Variants in DYM observed in about 807,000 individuals in gnomAD.
DYM encodes dyggve-Melchior-Clausen syndrome protein.
In DYM, 78 loss-of-function variants were observed where a neutral mutation model predicts 93.1. The ratio of observed to expected loss-of-function variants is 0.84; its 90% confidence interval spans 0.70 to 1.01. DYM has a LOEUF of 1.01. Among genes scored for constraint, DYM ranks in the 50% least tolerant of loss-of-function variants. The probability of loss-of-function intolerance (pLI) is 0.00; values close to 1 mark genes in which losing one functional copy is unlikely to be tolerated. For missense variants in DYM, 789 were observed against 845.0 expected (o/e 0.93, Z 0.82); for synonymous variants, 321 against 319.7 (o/e 1.00, Z -0.04).
intron 8 of DYM, among the ~76,000 whole-genome samples, chr18:49,295,889 G>T (rs939741472): frequency 6.6e-6 from 1 of 150,542 alleles, no homozygotes; most frequent in Admixed American, 6.6e-5. Context: ...TCTAATGGTA[G>T]TATCTTTTAA....
chr18:49,459,755 A>G (rs780708712), intron 1 of DYM, among the ~76,000 whole-genome samples: 18 of 152,028 alleles, frequency 1.2e-4, no homozygotes, highest in Non-Finnish European at 2.2e-4. Flanking sequence ...TACCACACCA[A>G]TACCCTCAAA....
chr18:49,326,900 G>C (rs494752), intron 8 of DYM, among the ~76,000 whole-genome samples: 88,863 of 151,724 alleles, frequency 0.59, 26,637 homozygotes, highest in Non-Finnish European at 0.66. Flanking sequence ...TAGCATAAGC[G>C]ATATCCTCTT....
At chr18:49,170,780 CAAAAAAAAAAAAAAAA>C (rs34297501) in intron 14 of DYM, among the ~76,000 whole-genome samples, 1 of 31,212 alleles carries the variant, frequency 3.2e-5, no homozygotes, top group Non-Finnish European at 5.6e-5. Flanking sequence ...GACTCCGTCT[CAAAAAAAAAAAAAAAA>C]AAAAAAAAAA....
intron 13 of DYM, among the ~76,000 whole-genome samples, chr18:49,212,953 G>A (rs965479372): frequency 1.3e-5 from 2 of 152,126 alleles, no homozygotes; most frequent in Non-Finnish European, 2.9e-5. Flanking sequence ...AAGATCATGG[G>A]AAGGAGGCAA....
In DYM at chr18:49,313,232, G is replaced by A. The variant is rs184982832; in HGVS notation, c.763+18632C>T. ...TGTAATCCCAGCACTTTGGGAGGCC[G>A]AGGCAGGCGGATCACGAGATCAGGA... On this transcript the variant is annotated intron_variant, in intron 8 of 17. Coordinates refer to ENST00000675505, the MANE Select transcript of DYM (RefSeq NM_001353214.3). 2.7e-3 allele frequency among the ~76,000 whole-genome samples: 404 copies of A among 152,000 alleles called. 2 individuals carry two copies. The highest frequency in any genetic ancestry group is 8.7e-3 in the African/African-American group (359 of 41,470).
chr18:49,425,819 A>G (rs1350494815), intron 2 of DYM, among the ~76,000 whole-genome samples: 1 of 152,252 alleles, frequency 6.6e-6, no homozygotes, highest in Non-Finnish European at 1.5e-5. Context: ...TGGCCATCAG[A>G]GAAATGCAAA....
intron 17 of DYM, among the ~76,000 whole-genome samples, chr18:49,091,735 T>C (rs915911656): frequency 1.3e-5 from 2 of 152,036 alleles, no homozygotes; most frequent in African/African-American, 4.8e-5. Context: ...TTAATATTTA[T>C]TTATTTATTT....
intron 15 of DYM, among the ~76,000 whole-genome samples, chr18:49,161,278 G>T (rs951925663): frequency 1.3e-5 from 2 of 152,072 alleles, no homozygotes; most frequent in African/African-American, 4.8e-5. Context: ...AATTCAAATT[G>T]TCCTATCATG....
rs141173516 is a variant in DYM, at chr18:49,127,866, G to A, written c.1729-8940C>T. On this transcript the variant is annotated intron_variant, in intron 15 of 17. Coordinates refer to ENST00000675505, the MANE Select transcript of DYM (RefSeq NM_001353214.3). ...AATCCTGTGACCTAAAAAGACAATG[G>A]GTAACCTTAATAAAGCAGTGGGAGG... Among the ~76,000 whole-genome samples, 143 of 152,242 alleles carry A rather than the reference G, an allele frequency of 9.4e-4. 1 individual carries two copies. The highest frequency in any genetic ancestry group is 3.3e-3 in the African/African-American group (136 of 41,548).
chr18:49,181,072 A>G lies in DYM; in HGVS notation c.1626-17285T>C, dbSNP rs2089882179. 3.3e-5 allele frequency among the ~76,000 whole-genome samples: 5 copies of G among 152,314 alleles called. No individual in the cohort carries two copies. The South Asian group carries it at 1.0e-3, about 32-fold the overall frequency. On this transcript the variant is annotated intron_variant, in intron 14 of 17. Transcript: ENST00000675505. ...TGAGTCCAGGCTGCAGGCCGTTAGT[A>G]TGCAGTTTCTGATTTGGAGAATCAC...
At chr18:49,279,777 T>C (rs1465833407) in intron 10 of DYM, among the ~76,000 whole-genome samples, 1 of 152,194 alleles carries the variant, frequency 6.6e-6, no homozygotes, top group Non-Finnish European at 1.5e-5. Context: ...AGGATTTTAC[T>C]CATATAAGCA....
chr18:49,104,685 T>C (rs1400503958), intron 16 of DYM, among the ~76,000 whole-genome samples: 8 of 152,360 alleles, frequency 5.3e-5, no homozygotes, highest in Non-Finnish European at 5.9e-5. Context: ...GTTTTTGTCA[T>C]TGGTTCTGTT....
At chr18:49,249,120 T>G (rs1300675369) in intron 13 of DYM, among the ~76,000 whole-genome samples, 2 of 152,166 alleles carry the variant, frequency 1.3e-5, no homozygotes, top group East Asian at 3.9e-4. Flanking sequence ...AGAAAGAGTA[T>G]TCTGCCATTC....
chr18:49,181,659 G>A (rs111329920), intron 14 of DYM, among the ~76,000 whole-genome samples: 2,719 of 152,008 alleles, frequency 0.018, 32 homozygotes, highest in Middle Eastern at 0.048. Context: ...TTTAGATTAG[G>A]GATACCTAAT....
intron 11 of DYM, among the ~76,000 whole-genome samples, chr18:49,269,491 T>C (rs1054765272): frequency 4.6e-5 from 7 of 152,182 alleles, no homozygotes; most frequent in African/African-American, 1.4e-4. Context: ...CCTATAAAGA[T>C]AGCTGCACTC....
chr18:49,390,504 A>ATT (rs1001577981), intron 3 of DYM, among the ~76,000 whole-genome samples: 1 of 147,016 alleles, frequency 6.8e-6, no homozygotes, highest in Non-Finnish European at 1.5e-5. Context: ...ATACAGCTCG[A>ATT]TTTTTTTTTT....
At chr18:49,304,133 T>C (rs992617559) in intron 8 of DYM, among the ~76,000 whole-genome samples, 3 of 152,262 alleles carry the variant, frequency 2.0e-5, no homozygotes, top group Admixed American at 1.3e-4. Flanking sequence ...TGGTCAAAGA[T>C]GGTTTTAGGT....
chr18:49,357,421 T>A (rs1451683887), intron 6 of DYM, among the ~76,000 whole-genome samples: 8 of 152,218 alleles, frequency 5.3e-5, no homozygotes, highest in Non-Finnish European at 8.8e-5. Context: ...TCAGCATTTA[T>A]AACTAATTAA....
chr18:49,120,072 C>A (rs2082238563), intron 15 of DYM, among the ~76,000 whole-genome samples: 3 of 116,480 alleles, frequency 2.6e-5, no homozygotes, highest in South Asian at 2.7e-4. Context: ...GAGCCAGATC[C>A]TGTCTCAAAA....
Sources: gnomAD v4.1 joint callset for allele counts (sites outside exome capture counted in the v4.1 genomes callset) on GRCh38, gnomAD v4.1.1 for gene constraint, MANE v1.5 for transcripts, NCBI Gene and HGNC (gene_info 2026-07-23, HGNC 2026-07-21) for gene names.